Variants in CAGE1 observed in about 807,000 individuals in gnomAD.
CAGE1 encodes cancer-associated gene 1 protein.
CAGE1 carries 66 observed loss-of-function variants against 94.9 expected under a neutral mutation model. The ratio of observed to expected loss-of-function variants is 0.70; its 90% CI spans 0.57 to 0.85. CAGE1 has a LOEUF of 0.85. Among genes scored for constraint, CAGE1 ranks in the 40% least tolerant of loss-of-function variants. The probability of loss-of-function intolerance (pLI) is 0.00; values close to 1 mark genes in which losing one functional copy is unlikely to be tolerated. For missense variants in CAGE1, 865 were observed against 950.4 expected (o/e 0.91, Z 1.18); for synonymous variants, 319 against 321.0 (o/e 0.99, Z 0.07).
Position 7,339,270 on chromosome 6 carries a change from G to C in CAGE1, c.2370-5180C>G. 3 of 1,585,948 alleles carry C rather than the reference G, an allele frequency of 1.9e-6. No individual in the cohort carries two copies. The Admixed American group carries it at 5.0e-5, about 26-fold the overall frequency. ...TTTGTAAGGCAGAGACTCTGCCTGGGCAATGGCACACAGACCCCTAGTGGC... is the reference window on the plus strand; with the variant it reads ...TTTGTAAGGCAGAGACTCTGCCTGGCCAATGGCACACAGACCCCTAGTGGC... On this transcript the variant is annotated intron_variant, in intron 11 of 13. Coordinates refer to ENST00000502583, the MANE Select transcript of CAGE1 (RefSeq NM_001170692.2). The surrounding 1 kb of genome is among the most constrained non-coding windows in gnomAD (Gnocchi z 4.7).
At chr6:7,345,890 A>G (rs963490800) in intron 11 of CAGE1, among the ~76,000 whole-genome samples, 1 of 152,130 alleles carries the variant, frequency 6.6e-6, no homozygotes, top group East Asian at 1.9e-4. Flanking sequence ...GTACCACTGC[A>G]CTCCAGCCTG....
At position 7,389,467 on chromosome 6, in the gene CAGE1, G is replaced by A. The variant is rs1761259957; in HGVS notation, c.-289C>T. 1 of 398,372 alleles carries A rather than the reference G, an allele frequency of 2.5e-6. No individual in the cohort carries two copies. The highest frequency in any genetic ancestry group is 7.2e-5 in the East Asian group (1 of 13,954). The allele number at this position is 398,372 out of a possible 1,614,324, so 24.7% of individuals were successfully genotyped here. A position where few individuals can be genotyped will look rare whatever the true frequency, so the allele number is the denominator to read the frequency against. ...CGTCCGCCCGCGCCGGGGGAACTCC[G>A]CAGAGACAGGTGCAGCCCGCGAGGC... On this transcript the variant is annotated 5_prime_UTR_variant, in exon 1 of 14. Coordinates refer to ENST00000502583, the MANE Select transcript of CAGE1 (RefSeq NM_001170692.2).
In CAGE1 at chr6:7,373,639, T is replaced by C; in HGVS notation, c.1180A>G (p.Lys394Glu). The change falls in exon 5 of 14, where the codon AAA becomes GAA. Residue 394 changes from lysine to glutamate, a missense_variant. Transcript: ENST00000502583. ...NLEEVLANTQ[K>E]HLQESRNDKE... The stretch of plus-strand genomic sequence containing the variant: ...TCATTCCTGGATTCCTGAAGATGTT[T>C]TTGCGTGTTAGCTAAAACCTCTTCC... The C allele has an allele frequency of 6.2e-7, 1 of 1,613,480 alleles. No homozygotes were observed. The highest frequency in any genetic ancestry group is 8.5e-7 in the Non-Finnish European group (1 of 1,179,774).
intron 4 of CAGE1, among the ~76,000 whole-genome samples, chr6:7,374,439 A>G (rs762475961): frequency 1.2e-4 from 19 of 152,176 alleles, no homozygotes; most frequent in Non-Finnish European, 1.9e-4. Flanking sequence ...ACCATTTTCT[A>G]TTATGCAAAC....
At chr6:7,343,784 G>C (rs1759289709) in intron 11 of CAGE1, among the ~76,000 whole-genome samples, 1 of 152,194 alleles carries the variant, frequency 6.6e-6, no homozygotes, top group South Asian at 2.1e-4. Context: ...AGCAGGGCTT[G>C]AGAAAATGGG....
intron 11 of CAGE1, chr6:7,342,078 G>C (rs1336446206): frequency 1.1e-6 from 1 of 924,552 alleles, no homozygotes; most frequent in East Asian, 2.4e-5. Flanking sequence ...ACTAATAGAA[G>C]ACAGAGATGT....
chr6:7,382,648 A>G (rs1760978193), intron 3 of CAGE1, among the ~76,000 whole-genome samples: 1 of 150,384 alleles, frequency 6.6e-6, no homozygotes, highest in African/African-American at 2.4e-5. Flanking sequence ...GTGGTGACTC[A>G]TGCCTGTAAT....
intron 1 of CAGE1, 74 bp from the exon 2 acceptor site, chr6:7,387,270 A>G (rs1490719444): frequency 3.9e-6 from 3 of 762,992 alleles, no homozygotes; most frequent in Non-Finnish European, 6.3e-6. Context: ...TCATTAAGAA[A>G]GTAGCAAAGT....
At chr6:7,361,536 A>C (rs2113424188) in intron 9 of CAGE1, among the ~76,000 whole-genome samples, 1 of 152,326 alleles carries the variant, frequency 6.6e-6, no homozygotes, top group South Asian at 2.1e-4. Context: ...TATTTTTTCT[A>C]AACTGAGGAT....
chr6:7,334,668 C>T (rs1325266989), intron 11 of CAGE1, among the ~76,000 whole-genome samples: 1 of 138,332 alleles, frequency 7.2e-6, no homozygotes, highest in Non-Finnish European at 1.5e-5. Context: ...GTGGAGGTTG[C>T]AGTGAGCCAA....
chr6:7,377,756 A>G (rs1760805333), intron 4 of CAGE1, among the ~76,000 whole-genome samples: 1 of 152,060 alleles, frequency 6.6e-6, no homozygotes, highest in Non-Finnish European at 1.5e-5. Context: ...ACAAAACAAC[A>G]AAAAAAGAGA....
chr6:7,344,742 A>G (rs948679414), intron 11 of CAGE1, among the ~76,000 whole-genome samples: 5 of 152,236 alleles, frequency 3.3e-5, no homozygotes, highest in African/African-American at 9.6e-5. Flanking sequence ...TACACCAATC[A>G]GCACTCTGTA....
chr6:7,345,144 GC>G (rs1284228554), intron 11 of CAGE1, among the ~76,000 whole-genome samples: 1 of 42,128 alleles, frequency 2.4e-5, no homozygotes. Flanking sequence ...GCTTTTAGGA[GC>G]TAGGTCCATA....
chr6:7,364,235 C>T (rs1760253078), intron 9 of CAGE1, among the ~76,000 whole-genome samples: 3 of 152,330 alleles, frequency 2.0e-5, no homozygotes, highest in Admixed American at 2.0e-4. Flanking sequence ...ATAACCTGCA[C>T]TTAGAAATAA....
At chr6:7,328,550 G>GA (rs1222615762) in intron 13 of CAGE1, among the ~76,000 whole-genome samples, 1 of 152,112 alleles carries the variant, frequency 6.6e-6, no homozygotes, top group Non-Finnish European at 1.5e-5. Flanking sequence ...GCACAGAAAT[G>GA]ACATACCATG....
Position 7,339,525 on chromosome 6 carries a change from C to A in CAGE1, c.2370-5435G>T. ...CTCATTCATTTCAGCTTAGAAGATG[C>A]CATCAGTGACAAACTTCCTCTTCTT... On this transcript the variant is annotated intron_variant, in intron 11 of 13. Transcript: ENST00000502583. This position sits in a 1 kb window ranked among gnomAD's most constrained non-coding sequence, Gnocchi z 4.7. 1 of 797,286 alleles carries A rather than the reference C, an allele frequency of 1.3e-6. No homozygotes were observed. Among genetic ancestry groups the A allele is most frequent in the South Asian group, 1.3e-5 (1 of 74,824 alleles). 49.4% of individuals were successfully genotyped at this position (797,286 alleles called of 1,614,324 possible).
chr6:7,378,612 C>T lies in CAGE1; in HGVS notation c.687+5G>A. On this transcript the variant is annotated splice_donor_5th_base_variant and intron_variant, in intron 4 of 13. Transcript: ENST00000502583. ...TGGTTTTACAATATTATTGTGTACA[C>T]TTTCCTTACATAAGAAGCTTGGAGG... is the stretch of plus-strand genomic sequence containing the variant. 6.4e-7 allele frequency: 1 copy of T among 1,565,434 alleles called. No homozygotes were observed. Among genetic ancestry groups the T allele is most frequent in the Non-Finnish European group, 8.6e-7 (1 of 1,162,240 alleles).
intron 12 of CAGE1, among the ~76,000 whole-genome samples, chr6:7,330,586 C>T (rs191419996): frequency 1.3e-5 from 2 of 152,262 alleles, no homozygotes; most frequent in East Asian, 3.9e-4. Flanking sequence ...CCACTATTTC[C>T]ACTACTGAAG....
chr6:7,358,659 A>G (rs955560017), intron 9 of CAGE1, among the ~76,000 whole-genome samples: 4 of 152,124 alleles, frequency 2.6e-5, no homozygotes, highest in African/African-American at 4.8e-5. Flanking sequence ...TAGGCAACAT[A>G]GCAAGACTCC....
Sources: allele counts gnomAD v4.1 joint callset (sites outside exome capture counted in the v4.1 genomes callset), GRCh38; gene constraint gnomAD v4.1.1; non-coding constraint Gnocchi (gnomAD v3.1); transcripts MANE v1.5; gene names NCBI Gene and HGNC (gene_info 2026-07-23, HGNC 2026-07-21).